The following LMO1 variants were observed in gnomAD, a reference collection of about 807,000 sequenced individuals.
The protein encoded by LMO1 is LIM domain only 1.
In LMO1, 10 loss-of-function variants were observed where a neutral mutation model predicts 18.0. The observed-to-expected ratio is 0.55, with a 90% CI of 0.34 to 0.94. The LOEUF (loss-of-function observed/expected upper bound fraction) is 0.94, where lower values mean the gene tolerates loss of function less well. LMO1 is among the 40% of genes least tolerant of loss of function. The pLI, the probability that LMO1 is intolerant of heterozygous loss-of-function variation, is 0.02. For synonymous variants in LMO1, 77 were observed against 77.9 expected, an observed-to-expected ratio of 0.99 and a Z score of 0.06; for missense variants, 183 against 205.7, an observed-to-expected ratio of 0.89 and a Z score of 0.68.
At chr11:8,251,961 T>G in intron 1 of LMO1, among the ~76,000 whole-genome samples, 1 of 140,930 alleles carries the variant, frequency 7.1e-6, no homozygotes, top group South Asian at 2.4e-4. Flanking sequence ...AGTGTGTGTT[T>G]GTGTGTGGGG....
chr11:8,249,205 C>G (rs776562187), intron 1 of LMO1, among the ~76,000 whole-genome samples: 22 of 152,288 alleles, frequency 1.4e-4, no homozygotes, highest in Middle Eastern at 6.8e-3. Context: ...CTCCTCTGAC[C>G]AACCCAGACC....
chr11:8,233,619 A>C (rs962450022), intron 1 of LMO1, among the ~76,000 whole-genome samples: 1 of 152,064 alleles, frequency 6.6e-6, no homozygotes, highest in African/African-American at 2.4e-5. Context: ...GGGGCTCTGT[A>C]GTCTCCTGCT....
intron 1 of LMO1, among the ~76,000 whole-genome samples, chr11:8,261,848 G>A (rs143234927): frequency 2.6e-4 from 40 of 152,184 alleles, no homozygotes; most frequent in East Asian, 9.7e-4. Context: ...GAAGGGGTCC[G>A]TGAATAGAGA....
chr11:8,254,911 C>A lies in LMO1; in HGVS notation c.25+8427G>T, dbSNP rs374080388. On this transcript the variant is annotated intron_variant, in intron 1 of 3. Transcript: ENST00000335790. ...GAACCAATTACTCAATCTCTTTGTA[C>A]AATAATTTTCTCATCTGTAAAATGA... Among the ~76,000 whole-genome samples the A allele has an allele frequency of 1.1e-4, 16 of 152,266 alleles. No homozygotes were observed. In the East Asian group the frequency reaches 2.5e-3, roughly 24 times the overall value.
chr11:8,226,718 C>A, intron 3 of LMO1: 1 of 515,808 alleles, frequency 1.9e-6, no homozygotes, highest in Non-Finnish European at 3.2e-6. Context: ...TAAACTCATG[C>A]ACGCCTTCAT....
intron 1 of LMO1, among the ~76,000 whole-genome samples, chr11:8,248,697 T>C (rs3794012): frequency 0.33 from 50,167 of 152,202 alleles, 9,709 homozygotes; most frequent in East Asian, 0.51. Context: ...ATGAAAGCCA[T>C]TCGGGAGAAA....
Position 8,224,579 on chromosome 11 carries a change from A to T in LMO1, c.*37T>A, listed in dbSNP as rs1310720893. The T allele has an allele frequency of 7.5e-7, 1 of 1,341,516 alleles. No individual in the cohort carries two copies. Among genetic ancestry groups the T allele is most frequent in the East Asian group, 2.5e-5 (1 of 40,464 alleles). The allele number at this position is 1,341,516 out of a possible 1,614,324, so 83.1% of individuals were successfully genotyped here. ...CGGCCAGGCAGGTGGGCAGGCGGGC[A>T]GATGGACAGACGGGCCTGGAGGCCA... On this transcript the variant is annotated 3_prime_UTR_variant, in exon 4 of 4. Transcript: ENST00000335790.
At chr11:8,245,119 A>G (rs898391689) in intron 1 of LMO1, among the ~76,000 whole-genome samples, 3 of 152,164 alleles carry the variant, frequency 2.0e-5, no homozygotes, top group Non-Finnish European at 4.4e-5. Flanking sequence ...GTGGATGGGG[A>G]AACTGAGGCT....
At chr11:8,226,931 C>A (rs1952554439) in intron 3 of LMO1, 44 bp downstream of exon 3, 2 of 1,578,418 alleles carry the variant, frequency 1.3e-6, no homozygotes, top group Non-Finnish European at 1.7e-6. Context: ...AGGCCTCAGG[C>A]TGGCGTCTGG....
chr11:8,233,258 T>C (rs1952701634), intron 1 of LMO1, among the ~76,000 whole-genome samples: 2 of 151,926 alleles, frequency 1.3e-5, no homozygotes, highest in Admixed American at 1.3e-4. Context: ...CTAGAGACCC[T>C]TGGGTCTAGA....
Position 8,230,347 on chromosome 11 carries a change from C to T in LMO1, c.183G>A (p.Val61=), listed in dbSNP as rs746547776. 2 of 1,614,068 alleles carry T rather than the reference C, an allele frequency of 1.2e-6. No homozygotes were observed. The highest frequency in any genetic ancestry group is 1.1e-5 in the South Asian group (1 of 91,084). The change falls in exon 2 of 4, where the codon GTG becomes GTA. Residue 61 remains valine, a synonymous_variant. Transcript: ENST00000335790. The part of the protein sequence containing the change: ...CACCDCRLGE[V]GSTLYTKANL... ...TGGCCTTGGTGTAGAGGGTGGAGCC[C>T]ACCTCGCCCAGGCGGCAGTCACAGC...
chr11:8,228,039 T>C, intron 2 of LMO1, among the ~76,000 whole-genome samples: 1 of 152,254 alleles, frequency 6.6e-6, no homozygotes, highest in Non-Finnish European at 1.5e-5. Context: ...AGTCCCTTTT[T>C]TTCTTTCTCT....
intron 1 of LMO1, among the ~76,000 whole-genome samples, chr11:8,258,907 C>T (rs1331273831): frequency 6.6e-6 from 1 of 152,182 alleles, no homozygotes; most frequent in Admixed American, 6.5e-5. Context: ...CGAGCAGCGG[C>T]CAGTGATCTC....
intron 1 of LMO1, among the ~76,000 whole-genome samples, chr11:8,240,557 G>A (rs1323540498): frequency 6.6e-6 from 1 of 152,160 alleles, no homozygotes; most frequent in Non-Finnish European, 1.5e-5. Context: ...AAATCCGAGA[G>A]CAAGGCACCA....
chr11:8,239,950 T>A (rs1846756485), intron 1 of LMO1, among the ~76,000 whole-genome samples: 1 of 152,214 alleles, frequency 6.6e-6, no homozygotes, highest in Non-Finnish European at 1.5e-5. Context: ...GTCATGACCC[T>A]GAGTGCAGAG....
At chr11:8,251,422 C>T (rs1488775672) in intron 1 of LMO1, among the ~76,000 whole-genome samples, 4 of 152,250 alleles carry the variant, frequency 2.6e-5, no homozygotes, top group African/African-American at 7.2e-5. Flanking sequence ...TCAAAAATGC[C>T]GCCTCCACCG....
At chr11:8,263,187 C>A in intron 1 of LMO1, 151 bp downstream of exon 1, 1 of 642,346 alleles carries the variant, frequency 1.6e-6, no homozygotes, top group East Asian at 3.6e-5. Flanking sequence ...GTACTTCCCC[C>A]CGCCCCAGCC....
At chr11:8,254,770 A>C (rs1847061879) in intron 1 of LMO1, among the ~76,000 whole-genome samples, 1 of 152,054 alleles carries the variant, frequency 6.6e-6, no homozygotes. Flanking sequence ...CTCCATCCCC[A>C]CGTCTGACAG....
upstream of LMO1, chr11:8,268,760 G>C (rs545430586): frequency 4.5e-4 from 92 of 202,326 alleles, no homozygotes; most frequent in African/African-American, 2.0e-3. Flanking sequence ...TCCTTCCTCC[G>C]CGCCGGCCGT....
Sources: gnomAD v4.1 joint callset for allele counts (sites outside exome capture counted in the v4.1 genomes callset) on GRCh38, gnomAD v4.1.1 for gene constraint, MANE v1.5 for transcripts, NCBI Gene and HGNC (gene_info 2026-07-23, HGNC 2026-07-21) for gene names.